TTC38: variants seen among roughly 807,000 people sequenced by gnomAD.
The protein encoded by TTC38 is tetratricopeptide repeat protein 38.
TTC38 carries 64 observed loss-of-function variants against 64.2 expected under a neutral mutation model. That is an observed-to-expected ratio of 1.00 (90% CI 0.81 to 1.23). TTC38 has a LOEUF of 1.23. Among genes scored for constraint, TTC38 ranks in the 50% most tolerant of loss-of-function variants. The pLI, the probability that TTC38 is intolerant of heterozygous loss-of-function variation, is 0.00. For missense variants in TTC38, 573 were observed against 615.5 expected (o/e 0.93, Z 0.73); for synonymous variants, 254 against 249.3 (o/e 1.02, Z -0.18).
Position 46,272,435 on chromosome 22 carries a change from G to T in TTC38, c.193+19G>T, listed in dbSNP as rs1484679670. The T allele has an allele frequency of 1.2e-6, 2 of 1,600,428 alleles. No homozygotes were observed. The highest frequency in any genetic ancestry group is 1.7e-6 in the Non-Finnish European group (2 of 1,167,900). On this transcript the variant is annotated intron_variant, in intron 3 of 13. Coordinates refer to ENST00000381031, the MANE Select transcript of TTC38 (RefSeq NM_017931.4). This position sits in a 1 kb window ranked among gnomAD's most constrained non-coding sequence, Gnocchi z 6.4. ...ACCTTTGGTGAGTAACGCCTTCCCT[G>T]GGTGGAGGAGCCCCGCTTCACACAT...
chr22:46,275,457 C>A lies in TTC38; in HGVS notation c.539+36C>A. The stretch of plus-strand genomic sequence containing the variant: ...GCTGGAAATCACATTATTTCTGTTT[C>A]TTAATCTCTCTTTTCTGCCCTAAAA... On this transcript the variant is annotated intron_variant, in intron 5 of 13. Coordinates refer to ENST00000381031, the MANE Select transcript of TTC38 (RefSeq NM_017931.4). This position sits in a 1 kb window ranked among gnomAD's most constrained non-coding sequence, Gnocchi z 4.5. The A allele has an allele frequency of 6.3e-7, 1 of 1,582,678 alleles. No individual in the cohort carries two copies. The highest frequency in any genetic ancestry group is 8.6e-7 in the Non-Finnish European group (1 of 1,161,634).
chr22:46,286,171 G>A (rs1195205263), intron 9 of TTC38, among the ~76,000 whole-genome samples: 1 of 151,764 alleles, frequency 6.6e-6, no homozygotes, highest in Non-Finnish European at 1.5e-5. Flanking sequence ...CCCAGGCCCA[G>A]GCATTCTTTT....
intron 8 of TTC38, 130 bp from the exon 9 acceptor site, chr22:46,285,111 C>T (rs955045544): frequency 1.7e-5 from 13 of 780,566 alleles, no homozygotes; most frequent in East Asian, 5.1e-5. Flanking sequence ...ACCGTCCGTC[C>T]ACCTCTGAGA....
At position 46,272,324 on chromosome 22, in the gene TTC38, T is replaced by C; in HGVS notation, c.112-11T>C. ...GCTCCGTGAGGACTTGTTTTGCTTT[T>C]CCCATTTCAGTATGTAAAATGGACC... On this transcript the variant is annotated splice_polypyrimidine_tract_variant and intron_variant, in intron 2 of 13. Transcript: ENST00000381031. The surrounding 1 kb of genome is among the most constrained non-coding windows in gnomAD (Gnocchi z 6.4). 6.2e-7 allele frequency: 1 copy of C among 1,611,426 alleles called. No individual in the cohort carries two copies. Among genetic ancestry groups the C allele is most frequent in the Non-Finnish European group, 8.5e-7 (1 of 1,178,074 alleles).
At position 46,276,237 on chromosome 22, in the gene TTC38, C is replaced by T. The variant is rs909674162; in HGVS notation, c.539+816C>T. 2.0e-5 allele frequency among the ~76,000 whole-genome samples: 3 copies of T among 152,152 alleles called. No homozygotes were observed. Among genetic ancestry groups the T allele is most frequent in the African/African-American group, 7.2e-5 (3 of 41,420 alleles). ...TAGGGCAGGGCAGCAAGCTGGAAATCGCTGCAGGAGTCAGCATTAGTCTTA... is the reference window on the plus strand; with the variant it reads ...TAGGGCAGGGCAGCAAGCTGGAAATTGCTGCAGGAGTCAGCATTAGTCTTA... On this transcript the variant is annotated intron_variant, in intron 5 of 13. Coordinates refer to ENST00000381031, the MANE Select transcript of TTC38 (RefSeq NM_017931.4). The surrounding 1 kb of genome is among the most constrained non-coding windows in gnomAD (Gnocchi z 4.7).
rs1057291319 is a variant in TTC38 at position 46,291,381 on chromosome 22, G to A, written c.1317-1410G>A. On this transcript the variant is annotated intron_variant, in intron 13 of 13. Coordinates refer to ENST00000381031, the MANE Select transcript of TTC38 (RefSeq NM_017931.4). This position sits in a 1 kb window ranked among gnomAD's most constrained non-coding sequence, Gnocchi z 4.6. Reference sequence around the variant, plus strand: ...GATGTGGCCTTCTGCGGGGCCCAGTGGGGGAGGGCAGGGGGAGAGCAGGCT... The same window carrying A: ...GATGTGGCCTTCTGCGGGGCCCAGTAGGGGAGGGCAGGGGGAGAGCAGGCT... Among the ~76,000 whole-genome samples the A allele has an allele frequency of 2.0e-5, 3 of 152,116 alleles. No individual in the cohort carries two copies. Among genetic ancestry groups the A allele is most frequent in the Non-Finnish European group, 4.4e-5 (3 of 68,006 alleles).
Position 46,268,603 on chromosome 22 carries a change from G to A in TTC38, c.111+12G>A, listed in dbSNP as rs199760111. ...CCACGCTGACCCAGGTATGCCTGCC[G>A]AGAGAGGCCGCGGCCCCTTCTGTGG... On this transcript the variant is annotated intron_variant, in intron 2 of 13. Coordinates refer to ENST00000381031, the MANE Select transcript of TTC38 (RefSeq NM_017931.4). The A allele has an allele frequency of 4.0e-5, 65 of 1,613,324 alleles. 1 individual carries two copies. Among genetic ancestry groups the A allele is most frequent in the Non-Finnish European group, 4.3e-5 (51 of 1,179,856 alleles).
rs779799512 is a variant in TTC38, at chr22:46,289,907, C to T, written c.1316+8C>T. The T allele has an allele frequency of 1.2e-6, 2 of 1,613,802 alleles. No homozygotes were observed. The highest frequency in any genetic ancestry group is 1.3e-5 in the African/African-American group (1 of 75,068). The stretch of plus-strand genomic sequence containing the variant: ...CCATAAGAACGTAGCCCGGTGAGCT[C>T]CTGGCCCCTGCCCAGCACTCCCGAC... On this transcript the variant is annotated splice_region_variant and intron_variant, in intron 13 of 13. Transcript: ENST00000381031.
chr22:46,283,966 T>G lies in TTC38; in HGVS notation c.736-7T>G, dbSNP rs76418672. On this transcript the variant is annotated splice_polypyrimidine_tract_variant and splice_region_variant and intron_variant, in intron 7 of 13. Transcript: ENST00000381031. ...TTCATAAATTCTCTTTTTTTTTTTTTCTCCAGGACTCTGATATGTTGGCTT... is the reference window on the plus strand; with the variant it reads ...TTCATAAATTCTCTTTTTTTTTTTTGCTCCAGGACTCTGATATGTTGGCTT... 8 of 1,584,722 alleles carry G rather than the reference T, an allele frequency of 5.0e-6. No homozygotes were observed. Among genetic ancestry groups the G allele is most frequent in the Non-Finnish European group, 6.8e-6 (8 of 1,172,438 alleles).
chr22:46,285,376 A>T (rs1394039084), intron 9 of TTC38, 97 bp downstream of exon 9: 1 of 1,177,210 alleles, frequency 8.5e-7, no homozygotes, highest in African/African-American at 1.5e-5. Context: ...TGTCCCAGCC[A>T]GAAAAACAGC....
Position 46,270,087 on chromosome 22 carries a change from C to T in TTC38, c.111+1496C>T, listed in dbSNP as rs900945989. Among the ~76,000 whole-genome samples the T allele has an allele frequency of 1.1e-4, 17 of 152,174 alleles. No homozygotes were observed. Among genetic ancestry groups the T allele is most frequent in the African/African-American group, 3.6e-4 (15 of 41,430 alleles). The stretch of plus-strand genomic sequence containing the variant: ...GATTACAGGCGTGAGCCACTGTGCC[C>T]GGCCCCTAGTACTCAGTTTGTTACA... On this transcript the variant is annotated intron_variant, in intron 2 of 13. Coordinates refer to ENST00000381031, the MANE Select transcript of TTC38 (RefSeq NM_017931.4). The surrounding 1 kb of genome is among the most constrained non-coding windows in gnomAD (Gnocchi z 4.7).
intron 10 of TTC38, among the ~76,000 whole-genome samples, chr22:46,287,391 G>A (rs892734134): frequency 3.9e-5 from 6 of 152,246 alleles, no homozygotes; most frequent in African/African-American, 1.4e-4. Flanking sequence ...GCTCCTCGAT[G>A]TGGACGCCTC....
chr22:46,289,900 G>C lies in TTC38; in HGVS notation c.1316+1G>C, dbSNP rs376292430. On this transcript the variant is annotated splice_donor_variant, in intron 13 of 13. Transcript: ENST00000381031. LOFTEE classifies it high-confidence loss of function. ...CCAGCGTCCATAAGAACGTAGCCCG[G>C]TGAGCTCCTGGCCCCTGCCCAGCAC... 56 of 1,613,844 alleles carry C rather than the reference G, an allele frequency of 3.5e-5. No homozygotes were observed. Among genetic ancestry groups the C allele is most frequent in the Non-Finnish European group, 4.6e-5 (54 of 1,179,934 alleles).
intron 6 of TTC38, among the ~76,000 whole-genome samples, chr22:46,280,504 G>A (rs1367956793): frequency 6.6e-6 from 1 of 152,262 alleles, no homozygotes; most frequent in Admixed American, 6.5e-5. Flanking sequence ...CGTGAAAGCA[G>A]CATGCTTAGC....
Position 46,276,759 on chromosome 22 carries a change from A to T in TTC38, c.539+1338A>T, listed in dbSNP as rs997709961. Among the ~76,000 whole-genome samples, 730 of 145,158 alleles carry T rather than the reference A, an allele frequency of 5.0e-3. 5 individuals are homozygous for T. Among genetic ancestry groups the T allele is most frequent in the Non-Finnish European group, 8.2e-3 (544 of 66,536 alleles). On this transcript the variant is annotated intron_variant, in intron 5 of 13. Transcript: ENST00000381031. The surrounding 1 kb of genome is among the most constrained non-coding windows in gnomAD (Gnocchi z 4.7). Reference sequence around the variant, plus strand: ...AAAATATATATAAAATACATATATTAAAAATATATATTAAATATATATTAA... The same window carrying T: ...AAAATATATATAAAATACATATATTTAAAATATATATTAAATATATATTAA...
rs552460999 is a variant in TTC38 at position 46,289,138 on chromosome 22, C to G, written c.1083-264C>G. Among the ~76,000 whole-genome samples, 3 of 152,352 alleles carry G rather than the reference C, an allele frequency of 2.0e-5. No individual in the cohort carries two copies. In the South Asian group the frequency reaches 6.2e-4, roughly 32 times the overall value. ...TCCTGACGGTTCTGTTAGATTGGCACTGTTATGCCTGCTTACAGATGAGCA... is the reference window on the plus strand; with the variant it reads ...TCCTGACGGTTCTGTTAGATTGGCAGTGTTATGCCTGCTTACAGATGAGCA... On this transcript the variant is annotated intron_variant, in intron 11 of 13. Transcript: ENST00000381031.
In TTC38 at chr22:46,273,453, A is replaced by T. The variant is rs1936939276; in HGVS notation, c.194-445A>T. 6.6e-6 allele frequency among the ~76,000 whole-genome samples: 1 copy of T among 152,194 alleles called. No homozygotes were observed. Among genetic ancestry groups the T allele is most frequent in the African/African-American group, 2.4e-5 (1 of 41,460 alleles). ...GCCACAAGGCACTCACCCCCACCCT[A>T]ACTTTTAGCATGTGTGAGCAGCACA... On this transcript the variant is annotated intron_variant, in intron 3 of 13. Coordinates refer to ENST00000381031, the MANE Select transcript of TTC38 (RefSeq NM_017931.4). The surrounding 1 kb of genome is among the most constrained non-coding windows in gnomAD (Gnocchi z 5.1).
chr22:46,289,958 C>T, intron 13 of TTC38, 59 bp downstream of exon 13: 3 of 1,486,272 alleles, frequency 2.0e-6, no homozygotes, highest in Non-Finnish European at 2.8e-6. Context: ...CTGCAGACCT[C>T]AGGAGTGCCT....
chr22:46,278,725 T>C (rs1264956783), intron 6 of TTC38, 64 bp downstream of exon 6: 1 of 1,299,950 alleles, frequency 7.7e-7, no homozygotes, highest in Non-Finnish European at 1.1e-6. Flanking sequence ...GACCAGGGCA[T>C]ATGAGGGGCA....
Sources: allele counts gnomAD v4.1 joint callset (sites outside exome capture counted in the v4.1 genomes callset), GRCh38; gene constraint gnomAD v4.1.1; non-coding constraint Gnocchi (gnomAD v3.1); transcripts MANE v1.5; gene names NCBI Gene and HGNC (gene_info 2026-07-23, HGNC 2026-07-21).